The following LPP variants were observed in gnomAD, a reference collection of about 807,000 sequenced individuals.
LPP encodes lipoma-preferred partner.
Under a neutral mutation model 60.4 loss-of-function variants are expected in LPP, and 38 were observed. The ratio of observed to expected loss-of-function variants is 0.63; its 90% CI spans 0.49 to 0.83. The LOEUF (loss-of-function observed/expected upper bound fraction) is 0.83. Among genes scored for constraint, LPP ranks in the 40% least tolerant of loss-of-function variants. LPP has a pLI of 0.00. For synonymous variants in LPP, 328 were observed against 290.8 expected (o/e 1.13, Z -1.30); for missense variants, 902 against 783.6 (o/e 1.15, Z -1.80).
intron 6 of LPP, among the ~76,000 whole-genome samples, chr3:188,602,470 T>C (rs1841558442): frequency 1.3e-5 from 2 of 151,784 alleles, no homozygotes; most frequent in Non-Finnish European, 2.9e-5. Context: ...TTGCTCATTG[T>C]ACAAACTCAG....
At chr3:188,516,669 C>CGTGTT (rs1817468285) in intron 5 of LPP, among the ~76,000 whole-genome samples, 2 of 138,130 alleles carry the variant, frequency 1.4e-5, no homozygotes, top group African/African-American at 6.3e-5. Flanking sequence ...AGTGAGAACA[C>CGTGTT]CTCACTTTGA....
chr3:188,287,788 T>C (rs1744466866), intron 2 of LPP, among the ~76,000 whole-genome samples: 1 of 152,210 alleles, frequency 6.6e-6, no homozygotes, highest in Admixed American at 6.5e-5. Flanking sequence ...AATGGCAGGC[T>C]GTATTAGGAG....
rs146879684 is a variant in LPP at position 188,168,566 on chromosome 3, A to G, written c.-190+14314A>G. On this transcript the variant is annotated intron_variant, in intron 1 of 11. Transcript: ENST00000617246. ...AATGAATAAACTTAATATTAAAATAAGATCAGGAAGTAAATCCCAAGCCAA... is the reference window on the plus strand; with the variant it reads ...AATGAATAAACTTAATATTAAAATAGGATCAGGAAGTAAATCCCAAGCCAA... Among the ~76,000 whole-genome samples the G allele has an allele frequency of 7.1e-4, 108 of 152,366 alleles. 1 individual carries two copies. Among genetic ancestry groups the G allele is most frequent in the African/African-American group, 2.5e-3 (103 of 41,584 alleles).
chr3:188,628,861 A>G (rs1404819344), intron 7 of LPP, among the ~76,000 whole-genome samples: 1 of 152,210 alleles, frequency 6.6e-6, no homozygotes, highest in Non-Finnish European at 1.5e-5. Context: ...CTTCAACAAA[A>G]TACTAGCAAA....
intron 4 of LPP, among the ~76,000 whole-genome samples, chr3:188,423,445 C>G (rs572630243): frequency 6.6e-6 from 1 of 152,208 alleles, no homozygotes; most frequent in African/African-American, 2.4e-5. Context: ...ATTTATAATC[C>G]TTTGGGTGTA....
intron 1 of LPP, among the ~76,000 whole-genome samples, chr3:188,197,909 A>T (rs1004510529): frequency 1.3e-5 from 2 of 152,216 alleles, no homozygotes; most frequent in African/African-American, 4.8e-5. Flanking sequence ...TGAGGTGCAA[A>T]GAGCTTTGGA....
chr3:188,830,945 A>G (rs939054185), intron 9 of LPP, among the ~76,000 whole-genome samples: 3 of 152,340 alleles, frequency 2.0e-5, no homozygotes, highest in Non-Finnish European at 1.5e-5. Flanking sequence ...AATTGCATAG[A>G]GTTTTTGTGA....
chr3:188,514,318 C>T (rs1284946713), intron 5 of LPP, among the ~76,000 whole-genome samples: 1 of 152,108 alleles, frequency 6.6e-6, no homozygotes, highest in Non-Finnish European at 1.5e-5. Context: ...TTTCCTCCAC[C>T]CAATGATAGA....
Position 188,407,801 on chromosome 3 carries a change from T to G in LPP, c.193+1488T>G, listed in dbSNP as rs1354615331. ...TTTTGTTTGTTTGTTTTTTTTTTTT[T>G]TTTTTTGAGATGGAGTTTCACTCTT... is the stretch of plus-strand genomic sequence containing the variant. On this transcript the variant is annotated intron_variant, in intron 4 of 11. Coordinates refer to ENST00000617246, the MANE Select transcript of LPP (RefSeq NM_001375462.1). 3.3e-4 allele frequency among the ~76,000 whole-genome samples: 47 copies of G among 141,856 alleles called. 2 individuals carry two copies. The highest frequency in any genetic ancestry group is 6.1e-4 in the Non-Finnish European group (40 of 65,366). 93.1% of individuals were successfully genotyped at this position (141,856 alleles called of 152,430 possible).
intron 7 of LPP, among the ~76,000 whole-genome samples, chr3:188,669,035 C>A (rs1190824658): frequency 6.6e-6 from 1 of 152,016 alleles, no homozygotes; most frequent in African/African-American, 2.4e-5. Flanking sequence ...ACGGGCTCAT[C>A]AAAATCTTAA....
At position 188,878,904 on chromosome 3, in the gene LPP, G is replaced by T. The variant is rs1769586248; in HGVS notation, c.*4425G>T. 1 of 224,064 alleles carries T rather than the reference G, an allele frequency of 4.5e-6. No individual in the cohort carries two copies. 13.9% of individuals were successfully genotyped at this position (224,064 alleles called of 1,614,324 possible). On this transcript the variant is annotated 3_prime_UTR_variant, in exon 12 of 12. Coordinates refer to ENST00000617246, the MANE Select transcript of LPP (RefSeq NM_001375462.1). The stretch of plus-strand genomic sequence containing the variant: ...GAGTAAAACATTTTTATGCCAGAAG[G>T]TGATATAATGGATGTTAGTGTTTTT...
intron 8 of LPP, among the ~76,000 whole-genome samples, chr3:188,733,034 G>A (rs1721208284): frequency 1.3e-5 from 2 of 151,964 alleles, no homozygotes. Context: ...CCCATGTGCA[G>A]GTCGAACTCA....
Position 188,318,753 on chromosome 3 carries a change from C to CTTTTTT in LPP, c.-66-22892_-66-22887dup, listed in dbSNP as rs10708836. 1.3e-3 allele frequency among the ~76,000 whole-genome samples: 126 copies of CTTTTTT among 96,834 alleles called. 9 individuals carry two copies. The highest frequency in any genetic ancestry group is 3.3e-3 in the African/African-American group (68 of 20,494). The allele number at this position is 96,834 out of a possible 152,430, so 63.5% of individuals were successfully genotyped here. ...AAAAAATTGAAAAAAAATTATGATT[C>CTTTTTT]TTTTTTTTTTTTTTTTTTTTTTTGA... On this transcript the variant is annotated intron_variant, in intron 2 of 11. Coordinates refer to ENST00000617246, the MANE Select transcript of LPP (RefSeq NM_001375462.1).
At chr3:188,584,713 C>T (rs1039275913) in intron 6 of LPP, among the ~76,000 whole-genome samples, 4 of 151,880 alleles carry the variant, frequency 2.6e-5, no homozygotes, top group African/African-American at 9.7e-5. Flanking sequence ...CCTTGCTTGT[C>T]TCTCTTTCTT....
intron 7 of LPP, among the ~76,000 whole-genome samples, chr3:188,652,616 A>G (rs1852324141): frequency 6.6e-6 from 1 of 152,236 alleles, no homozygotes; most frequent in African/African-American, 2.4e-5. Context: ...TTAGGCCAGA[A>G]AGTTTGACTT....
intron 7 of LPP, among the ~76,000 whole-genome samples, chr3:188,702,859 G>A (rs1219626161): frequency 6.6e-6 from 1 of 152,078 alleles, no homozygotes; most frequent in African/African-American, 2.4e-5. Flanking sequence ...AATCCAAACA[G>A]CCGCACAGTA....
At chr3:188,714,898 G>A (rs955613566) in intron 8 of LPP, among the ~76,000 whole-genome samples, 36 of 152,088 alleles carry the variant, frequency 2.4e-4, no homozygotes, top group African/African-American at 8.5e-4. Flanking sequence ...TAGAGGAAAG[G>A]GAGGAAACAT....
In LPP at chr3:188,214,284, C is replaced by CT. The variant is rs575744219; in HGVS notation, c.-189-11120dup. 1.6e-3 allele frequency among the ~76,000 whole-genome samples: 245 copies of CT among 152,242 alleles called. 1 individual carries two copies. Among genetic ancestry groups the CT allele is most frequent in the Middle Eastern group, 6.8e-3 (2 of 294 alleles). The stretch of plus-strand genomic sequence containing the variant: ...TAACTGGGATTACAGGCATGCACCA[C>CT]TAGGCCTGGCTAATTTTTGTATTTT... On this transcript the variant is annotated intron_variant, in intron 1 of 11. Coordinates refer to ENST00000617246, the MANE Select transcript of LPP (RefSeq NM_001375462.1).
chr3:188,632,664 G>C (rs796952760), intron 7 of LPP, among the ~76,000 whole-genome samples: 9 of 152,288 alleles, frequency 5.9e-5, no homozygotes, highest in African/African-American at 2.2e-4. Flanking sequence ...ACATCTGAAA[G>C]AATTAAGCTT....
Sources: allele counts gnomAD v4.1 joint callset (sites outside exome capture counted in the v4.1 genomes callset), GRCh38; gene constraint gnomAD v4.1.1; transcripts MANE v1.5; gene names NCBI Gene and HGNC (gene_info 2026-07-23, HGNC 2026-07-21).